Variants in OXR1 observed in about 807,000 individuals in gnomAD.
The protein encoded by OXR1 is oxidation resistance protein 1.
A neutral mutation model predicts 104.6 loss-of-function variants in OXR1; 41 were observed. That is an observed-to-expected ratio of 0.39 (90% CI 0.31 to 0.51). The LOEUF (loss-of-function observed/expected upper bound fraction) is 0.51, where lower values mean the gene tolerates loss of function less well. OXR1 is among the 20% of genes least tolerant of loss of function. The pLI, the probability that OXR1 is intolerant of heterozygous loss-of-function variation, is 0.77. For synonymous variants in OXR1, 348 were observed against 348.4 expected (o/e 1.00, Z 0.01); for missense variants, 955 against 1,031.9 (o/e 0.93, Z 1.02).
intron 3 of OXR1, among the ~76,000 whole-genome samples, chr8:106,626,567 A>G (rs540069924): frequency 6.9e-5 from 10 of 144,730 alleles, no homozygotes; most frequent in African/African-American, 2.3e-4. Flanking sequence ...ATTTTTTTTT[A>G]CCTTAAAAGT....
intron 2 of OXR1, among the ~76,000 whole-genome samples, chr8:106,456,660 C>T (rs1820613061): frequency 6.6e-6 from 1 of 152,108 alleles, no homozygotes; most frequent in South Asian, 2.1e-4. Context: ...CTTGCATAAT[C>T]TATAGAATAT....
chr8:106,399,808 T>C lies in OXR1; in HGVS notation c.23+40172T>C, dbSNP rs537880700. Among the ~76,000 whole-genome samples the C allele has an allele frequency of 2.6e-5, 4 of 152,264 alleles. No homozygotes were observed. The East Asian group carries it at 7.7e-4, about 29-fold the overall frequency. On this transcript the variant is annotated intron_variant, in intron 2 of 16. Coordinates refer to ENST00000517566, the MANE Select transcript of OXR1 (RefSeq NM_001198533.2). ...GCCACACAGCTAATTAGTGGTAAAGTCAGGTTTGAACTCAGACAGTCTGAT... is the reference window on the plus strand; with the variant it reads ...GCCACACAGCTAATTAGTGGTAAAGCCAGGTTTGAACTCAGACAGTCTGAT...
At position 106,359,962 on chromosome 8, in the gene OXR1, G is replaced by A. The variant is rs543056547; in HGVS notation, c.23+326G>A. Among the ~76,000 whole-genome samples the A allele has an allele frequency of 2.0e-5, 3 of 152,238 alleles. No homozygotes were observed. The South Asian group carries it at 6.2e-4, about 32-fold the overall frequency. On this transcript the variant is annotated intron_variant, in intron 2 of 16. Coordinates refer to ENST00000517566, the MANE Select transcript of OXR1 (RefSeq NM_001198533.2). ...ATTCCTTGCTATCGGTATATTCCCA[G>A]ATATAGGACTAGCAAGCTATATGGG...
intron 2 of OXR1, among the ~76,000 whole-genome samples, chr8:106,485,550 T>A (rs766142216): frequency 3.9e-5 from 6 of 152,056 alleles, no homozygotes; most frequent in Non-Finnish European, 8.8e-5. Flanking sequence ...AGAGTGTTAG[T>A]CTCAGCCATT....
intron 11 of OXR1, among the ~76,000 whole-genome samples, chr8:106,732,258 TAG>T (rs1435504439): frequency 6.6e-6 from 1 of 152,170 alleles, no homozygotes; most frequent in Non-Finnish European, 1.5e-5. Flanking sequence ...CTTATTCCAG[TAG>T]AGTTTTGGTT....
rs372269322 is a variant in OXR1, at chr8:106,329,913, CA to C, written c.-138-29550del. On this transcript the variant is annotated intron_variant, in intron 1 of 16. Coordinates refer to ENST00000517566, the MANE Select transcript of OXR1 (RefSeq NM_001198533.2). Reference sequence around the variant, plus strand: ...AGACTTGTGTTGTGAGAACTCAATTCAAAAAAAAAAAAAGTGACATATTCAC... The same window carrying C: ...AGACTTGTGTTGTGAGAACTCAATTCAAAAAAAAAAAAGTGACATATTCAC... Among the ~76,000 whole-genome samples, 1,263 of 132,944 alleles carry C rather than the reference CA, an allele frequency of 9.5e-3. 13 individuals carry two copies. Among genetic ancestry groups the C allele is most frequent in the Middle Eastern group, 0.019 (5 of 270 alleles). The allele number at this position is 132,944 out of a possible 152,430, so 87.2% of individuals were successfully genotyped here. A position where few individuals can be genotyped will look rare whatever the true frequency, so the allele number is the denominator to read the frequency against.
chr8:106,735,408 C>T (rs945482250), intron 11 of OXR1, among the ~76,000 whole-genome samples: 3 of 151,944 alleles, frequency 2.0e-5, no homozygotes, highest in Non-Finnish European at 2.9e-5. Flanking sequence ...AGCCTTATGG[C>T]GATTTATTGT....
chr8:106,354,585 T>G (rs1815881778), intron 1 of OXR1, among the ~76,000 whole-genome samples: 1 of 152,182 alleles, frequency 6.6e-6, no homozygotes. Context: ...TCATTCACTG[T>G]GTACACTTAA....
At chr8:106,451,301 T>C (rs531465464) in intron 2 of OXR1, among the ~76,000 whole-genome samples, 5 of 152,314 alleles carry the variant, frequency 3.3e-5, no homozygotes, top group Non-Finnish European at 5.9e-5. Flanking sequence ...ATCATTGCAA[T>C]TGGAAATCTT....
intron 3 of OXR1, among the ~76,000 whole-genome samples, chr8:106,572,695 A>G (rs1817557688): frequency 6.6e-6 from 1 of 152,142 alleles, no homozygotes; most frequent in South Asian, 2.1e-4. Flanking sequence ...CTAGTATCCA[A>G]TAACGTTTTC....
chr8:106,504,588 A>G (rs547930518), intron 2 of OXR1, among the ~76,000 whole-genome samples: 3 of 152,320 alleles, frequency 2.0e-5, no homozygotes, highest in Admixed American at 1.3e-4. Context: ...GAAATCTTAC[A>G]TTTCTATAGT....
At chr8:106,441,681 G>C (rs1819789635) in intron 2 of OXR1, among the ~76,000 whole-genome samples, 1 of 152,072 alleles carries the variant, frequency 6.6e-6, no homozygotes, top group Non-Finnish European at 1.5e-5. Flanking sequence ...TGCAGTGATT[G>C]TGAATGGGAG....
chr8:106,290,887 A>G (rs1240650788), intron 1 of OXR1, among the ~76,000 whole-genome samples: 2 of 152,132 alleles, frequency 1.3e-5, no homozygotes, highest in South Asian at 2.1e-4. Flanking sequence ...CAGTTTGGAG[A>G]TTTCTCAAAT....
At chr8:106,709,622 G>T (rs1426548580) in intron 9 of OXR1, among the ~76,000 whole-genome samples, 4 of 151,906 alleles carry the variant, frequency 2.6e-5, no homozygotes, top group African/African-American at 9.7e-5. Flanking sequence ...GTTAGGGGAG[G>T]TTATTATAAC....
intron 1 of OXR1, among the ~76,000 whole-genome samples, chr8:106,332,361 A>T (rs1018859894): frequency 6.6e-6 from 1 of 152,200 alleles, no homozygotes; most frequent in African/African-American, 2.4e-5. Context: ...ATATTTAAGA[A>T]ACTTAAAATG....
chr8:106,326,745 C>T (rs1207594535), intron 1 of OXR1, among the ~76,000 whole-genome samples: 1 of 151,988 alleles, frequency 6.6e-6, no homozygotes, highest in African/African-American at 2.4e-5. Context: ...TTGAGGAACA[C>T]GAAGGAGGCC....
intron 3 of OXR1, among the ~76,000 whole-genome samples, chr8:106,523,063 G>C (rs1203907971): frequency 6.6e-6 from 1 of 152,122 alleles, no homozygotes; most frequent in Non-Finnish European, 1.5e-5. Flanking sequence ...TGCAATTGTA[G>C]GGCTGAGCTA....
rs535208655 is a variant in OXR1, at chr8:106,387,465, A to T, written c.23+27829A>T. ...CATGCTACGTTCTCATGGGTCTGAA[A>T]AAAGGAGGTCATTCTTTTGAGATTG... On this transcript the variant is annotated intron_variant, in intron 2 of 16. Coordinates refer to ENST00000517566, the MANE Select transcript of OXR1 (RefSeq NM_001198533.2). Among the ~76,000 whole-genome samples, 3 of 152,334 alleles carry T rather than the reference A, an allele frequency of 2.0e-5. No individual in the cohort carries two copies. The South Asian group carries it at 6.2e-4, about 32-fold the overall frequency.
intron 1 of OXR1, among the ~76,000 whole-genome samples, chr8:106,349,675 A>T (rs2130302882): frequency 6.6e-6 from 1 of 152,302 alleles, no homozygotes; most frequent in African/African-American, 2.4e-5. Context: ...ATGGTGATGG[A>T]TCCATGAAGA....
Sources: allele counts gnomAD v4.1 joint callset (sites outside exome capture counted in the v4.1 genomes callset), GRCh38; gene constraint gnomAD v4.1.1; transcripts MANE v1.5; gene names NCBI Gene and HGNC (gene_info 2026-07-23, HGNC 2026-07-21).